The following SPINK5 variants were observed in gnomAD, a reference collection of about 807,000 sequenced individuals.
SPINK5 encodes the protein serine peptidase inhibitor Kazal type 5.
SPINK5 carries 125 observed loss-of-function variants against 151.8 expected under a neutral mutation model. The ratio of observed to expected loss-of-function variants is 0.82; its 90% CI spans 0.71 to 0.96. SPINK5 has a LOEUF of 0.96. SPINK5 is among the 40% of genes least tolerant of loss of function. SPINK5 has a pLI of 0.00. For missense variants in SPINK5, 1,194 were observed against 1,291.9 expected (o/e 0.92, Z 1.16); for synonymous variants, 374 against 395.3 (o/e 0.95, Z 0.64).
rs1418887167 is a variant in SPINK5, at chr5:148,131,148, C to T, written c.2965-111C>T. 9 of 1,390,924 alleles carry T rather than the reference C, an allele frequency of 6.5e-6. No individual in the cohort carries two copies. In the Admixed American group the frequency reaches 1.5e-4, roughly 23 times the overall value. The allele number at this position is 1,390,924 out of a possible 1,614,324, so 86.2% of individuals were successfully genotyped here. On this transcript the variant is annotated intron_variant, in intron 30 of 32. Transcript: ENST00000256084. ...AGTTTGAATAACATATATCACACTCCTTTTACAACCATTTATTCAAGTTGG... is the reference window on the plus strand; with the variant it reads ...AGTTTGAATAACATATATCACACTCTTTTTACAACCATTTATTCAAGTTGG...
chr5:148,088,347 C>G (rs1032388679), intron 5 of SPINK5, among the ~76,000 whole-genome samples, 195 bp from the exon 6 acceptor site: 14 of 151,864 alleles, frequency 9.2e-5, no homozygotes, highest in African/African-American at 3.1e-4. Flanking sequence ...TTTACCATCT[C>G]TTCCATGTTA....
At chr5:148,109,543 ATATAAT>A (rs1473629700) in intron 18 of SPINK5, among the ~76,000 whole-genome samples, 1 of 150,688 alleles carries the variant, frequency 6.6e-6, no homozygotes, top group African/African-American at 2.4e-5. Context: ...ATAATATCAT[ATATAAT>A]TATAATTATA....
Position 148,123,824 on chromosome 5 carries a change from T to C in SPINK5, c.2539-9T>C, listed in dbSNP as rs1327114515. ...TGACAGTAACAACTTTTTCTGCTAC[T>C]GTTGGTAGGATCTGTGTCGTGAATT... On this transcript the variant is annotated splice_polypyrimidine_tract_variant and intron_variant, in intron 26 of 32. Transcript: ENST00000256084. 7 of 1,613,838 alleles carry C rather than the reference T, an allele frequency of 4.3e-6. No individual in the cohort carries two copies. Among genetic ancestry groups the C allele is most frequent in the Admixed American group, 1.7e-5 (1 of 59,990 alleles).
intron 3 of SPINK5, among the ~76,000 whole-genome samples, chr5:148,071,340 C>T (rs944352097): frequency 1.3e-5 from 2 of 151,980 alleles, no homozygotes; most frequent in African/African-American, 4.8e-5. Flanking sequence ...AAGCTCAGAT[C>T]GTTTGATCAT....
intron 19 of SPINK5, 124 bp downstream of exon 19, chr5:148,112,019 T>A: frequency 1.4e-6 from 2 of 1,441,216 alleles, no homozygotes. Flanking sequence ...TTGCACTGAG[T>A]TTGGAAATTT....
At chr5:148,093,492 A>T (rs777811769) in intron 8 of SPINK5, among the ~76,000 whole-genome samples, 19 of 152,048 alleles carry the variant, frequency 1.2e-4, no homozygotes, top group Non-Finnish European at 2.2e-4. Flanking sequence ...AAGAAGGCAG[A>T]ATACACAAAA....
chr5:148,109,048 A>G (rs143151750), intron 18 of SPINK5, among the ~76,000 whole-genome samples: 107 of 148,272 alleles, frequency 7.2e-4, no homozygotes, highest in African/African-American at 2.6e-3. Flanking sequence ...AGAGAGATCA[A>G]TCACCATTTT....
chr5:148,120,505 G>A (rs528497275), intron 26 of SPINK5, 114 bp downstream of exon 26: 12 of 1,321,010 alleles, frequency 9.1e-6, no homozygotes, highest in African/African-American at 4.4e-5. Context: ...GTGATATAAC[G>A]GTAAACAATG....
chr5:148,111,299 C>G (rs555915624), intron 18 of SPINK5, among the ~76,000 whole-genome samples: 1 of 152,222 alleles, frequency 6.6e-6, no homozygotes, highest in African/African-American at 2.4e-5. Flanking sequence ...AGGACTGATC[C>G]TTGTGATTGA....
rs2303074 is a variant in SPINK5, at chr5:148,124,978, A to T, written c.2739+141A>T. 194,686 of 1,250,990 alleles carry T rather than the reference A, an allele frequency of 0.16. 20,442 individuals are homozygous for T. Among genetic ancestry groups the T allele is most frequent in the East Asian group, 0.46 (14,702 of 31,660 alleles). The allele number at this position is 1,250,990 out of a possible 1,614,324, so 77.5% of individuals were successfully genotyped here. A position where few individuals can be genotyped will look rare whatever the true frequency, so the allele number is the denominator to read the frequency against. Reference sequence around the variant, plus strand: ...GATTTTTCTTGTCTTGTCACTTTGTATCATAACAAGATTTTTGGGGGTTTG... The same window carrying T: ...GATTTTTCTTGTCTTGTCACTTTGTTTCATAACAAGATTTTTGGGGGTTTG... On this transcript the variant is annotated intron_variant, in intron 28 of 32. Transcript: ENST00000256084.
At position 148,065,385 on chromosome 5, in the gene SPINK5, T is replaced by C. The variant is rs1289755269; in HGVS notation, c.81+13T>C. ...GAATGAAGATCAGGTTAGTCCTGCT[T>C]TTTCTGTTCATTGAATTCATTCCAA... On this transcript the variant is annotated intron_variant, in intron 2 of 32. Transcript: ENST00000256084. The C allele has an allele frequency of 1.9e-6, 3 of 1,613,344 alleles. No individual in the cohort carries two copies. Among genetic ancestry groups the C allele is most frequent in the African/African-American group, 2.7e-5 (2 of 74,904 alleles).
intron 4 of SPINK5, among the ~76,000 whole-genome samples, chr5:148,076,039 C>T (rs939337887): frequency 4.7e-5 from 7 of 150,024 alleles, no homozygotes; most frequent in Non-Finnish European, 7.4e-5. Context: ...TCAAGAGATT[C>T]GCAAACTCCT....
intron 4 of SPINK5, among the ~76,000 whole-genome samples, chr5:148,079,803 T>G (rs1171874453): frequency 6.6e-6 from 1 of 151,226 alleles, no homozygotes; most frequent in East Asian, 1.9e-4. Flanking sequence ...ACATTATAAT[T>G]AATGGTTAGA....
At chr5:148,080,931 T>A (rs181570795) in intron 4 of SPINK5, among the ~76,000 whole-genome samples, 4 of 151,654 alleles carry the variant, frequency 2.6e-5, no homozygotes, top group African/African-American at 9.6e-5. Flanking sequence ...CATAAAAACC[T>A]CTTACAACCT....
chr5:148,123,861 A>G lies in SPINK5; in HGVS notation c.2567A>G (p.Gln856Arg). 1 of 1,614,058 alleles carries G rather than the reference A, an allele frequency of 6.2e-7. No homozygotes were observed. The highest frequency in any genetic ancestry group is 1.6e-4 in the Middle Eastern group (1 of 6,062). Residue 856 changes from glutamine (Q) to arginine (R), a missense_variant, in exon 27 of 33, where the codon CAG (glutamine) becomes CGG (arginine). Transcript: ENST00000256084. ...CTGTGTCGTGAATTTCGAAGCATGC[A>G]GAGAAATGGAAAGCTTATCTGCACC... is the stretch of plus-strand genomic sequence containing the variant. Reference protein sequence around the residue: ...EDLCREFRSMQRNGKLICTRE... With the variant: ...EDLCREFRSMRRNGKLICTRE...
intron 32 of SPINK5, among the ~76,000 whole-genome samples, chr5:148,136,430 T>G (rs975489557): frequency 1.3e-5 from 2 of 152,128 alleles, no homozygotes; most frequent in African/African-American, 4.8e-5. Context: ...TAGTTGAAGA[T>G]GTGCAGTTAT....
intron 3 of SPINK5, 90 bp from the exon 4 acceptor site, chr5:148,072,058 G>T: frequency 8.3e-7 from 1 of 1,211,822 alleles, no homozygotes; most frequent in East Asian, 2.4e-5. Context: ...GCTGAGGAGA[G>T]CAGTTAAAAT....
intron 22 of SPINK5, among the ~76,000 whole-genome samples, chr5:148,116,948 G>T (rs1054095222): frequency 6.6e-6 from 1 of 152,156 alleles, no homozygotes; most frequent in Non-Finnish European, 1.5e-5. Flanking sequence ...TCCTCTCACT[G>T]AATTCTACTT....
chr5:148,128,123 G>T (rs1369723780), intron 30 of SPINK5, among the ~76,000 whole-genome samples: 1 of 152,114 alleles, frequency 6.6e-6, no homozygotes, highest in Admixed American at 6.5e-5. Context: ...GGTAATAGAT[G>T]AGTTACATAC....
Sources: gnomAD v4.1 joint callset for allele counts (sites outside exome capture counted in the v4.1 genomes callset) on GRCh38, gnomAD v4.1.1 for gene constraint, MANE v1.5 for transcripts, NCBI Gene and HGNC (gene_info 2026-07-23, HGNC 2026-07-21) for gene names.